FAM168A: variants seen among roughly 807,000 people sequenced by gnomAD.
The protein encoded by FAM168A is family with sequence similarity 168 member A, also known as protein FAM168A.
In FAM168A, 3 loss-of-function variants were observed where a neutral mutation model predicts 28.5. The observed-to-expected ratio is 0.11, with a 90% CI of 0.05 to 0.27. The LOEUF (loss-of-function observed/expected upper bound fraction) is 0.27. Among genes scored for constraint, FAM168A ranks in the 10% least tolerant of loss-of-function variants. The pLI is 1.00. For missense variants in FAM168A, 222 were observed against 311.5 expected, an observed-to-expected ratio of 0.71 and a Z score of 2.16; for synonymous variants, 122 against 124.2, an observed-to-expected ratio of 0.98 and a Z score of 0.12.
At chr11:73,568,886 C>CAA (rs373953334) in intron 1 of FAM168A, among the ~76,000 whole-genome samples, 1 of 151,660 alleles carries the variant, frequency 6.6e-6, no homozygotes, top group Admixed American at 6.6e-5. Flanking sequence ...CTCAAAAAAA[C>CAA]AAAAAAACAA....
chr11:73,512,555 G>A (rs11235786), intron 1 of FAM168A, among the ~76,000 whole-genome samples: 11,364 of 151,746 alleles, frequency 0.075, 554 homozygotes, highest in Admixed American at 0.11. Context: ...GGATAAGGGT[G>A]GATTTTACAA....
chr11:73,461,420 C>T (rs927677524), intron 2 of FAM168A, among the ~76,000 whole-genome samples: 1 of 152,182 alleles, frequency 6.6e-6, no homozygotes, highest in Non-Finnish European at 1.5e-5. Flanking sequence ...ACATGGCCCA[C>T]TGTGAATCTT....
At chr11:73,428,596 A>G (rs1272685931) in intron 3 of FAM168A, among the ~76,000 whole-genome samples, 1 of 152,246 alleles carries the variant, frequency 6.6e-6, no homozygotes, top group East Asian at 1.9e-4. Flanking sequence ...CAGATCTCAT[A>G]GCACTTAAAT....
At chr11:73,567,244 A>T (rs2134714138) in intron 1 of FAM168A, among the ~76,000 whole-genome samples, 1 of 152,332 alleles carries the variant, frequency 6.6e-6, no homozygotes, top group East Asian at 1.9e-4. Context: ...TGAGAAGATA[A>T]GGAAATCTCA....
intron 1 of FAM168A, among the ~76,000 whole-genome samples, chr11:73,581,891 G>T (rs909527847): frequency 2.0e-5 from 3 of 151,958 alleles, no homozygotes; most frequent in Admixed American, 2.0e-4. Flanking sequence ...GCTAATTTTT[G>T]TATTTTTAGT....
At chr11:73,495,738 T>C (rs1854861399) in intron 1 of FAM168A, among the ~76,000 whole-genome samples, 2 of 152,094 alleles carry the variant, frequency 1.3e-5, no homozygotes, top group African/African-American at 4.8e-5. Flanking sequence ...CTCACACCCA[T>C]TAAGATGACT....
intron 1 of FAM168A, among the ~76,000 whole-genome samples, chr11:73,556,146 A>C (rs3103923): frequency 1 from 152,099 of 152,100 alleles, 76,049 homozygotes; most frequent in Non-Finnish European, 1. Context: ...GAGTTCAAGA[A>C]CAGCCTGGGC....
chr11:73,431,966 T>C (rs1423567158), intron 2 of FAM168A, among the ~76,000 whole-genome samples: 1 of 152,202 alleles, frequency 6.6e-6, no homozygotes, highest in East Asian at 1.9e-4. Flanking sequence ...CTAATCTACT[T>C]TCTGTCTCTC....
At chr11:73,420,778 C>G (rs532816081) in intron 3 of FAM168A, 9 of 152,440 alleles carry the variant, frequency 5.9e-5, no homozygotes, top group African/African-American at 2.2e-4. Context: ...ATAGATGAGG[C>G]CCAGTTTAAG....
intron 1 of FAM168A, among the ~76,000 whole-genome samples, chr11:73,514,828 G>GCCATCCATCCATCCAT (rs140788338): frequency 1.4e-5 from 2 of 146,430 alleles, no homozygotes; most frequent in East Asian, 2.0e-4. Flanking sequence ...GTGAGACTCT[G>GCCATCCATCCATCCAT]CCATCCATCC....
At chr11:73,472,926 C>T (rs1374427369) in intron 1 of FAM168A, among the ~76,000 whole-genome samples, 1 of 151,906 alleles carries the variant, frequency 6.6e-6, no homozygotes, top group African/African-American at 2.4e-5. Context: ...GAATTTTGCT[C>T]AGAACAATGT....
intron 1 of FAM168A, among the ~76,000 whole-genome samples, chr11:73,572,873 AAAATAAAT>A (rs1213239487): frequency 6.6e-6 from 1 of 151,950 alleles, no homozygotes; most frequent in Non-Finnish European, 1.5e-5. Context: ...AATGATCAAT[AAAATAAAT>A]AAATAAATAA....
At chr11:73,496,338 C>T (rs945156189) in intron 1 of FAM168A, among the ~76,000 whole-genome samples, 6 of 152,136 alleles carry the variant, frequency 3.9e-5, no homozygotes, top group African/African-American at 7.2e-5. Flanking sequence ...TGTTGTTCAA[C>T]GGATATATTA....
At chr11:73,523,155 G>T (rs1388284224) in intron 1 of FAM168A, among the ~76,000 whole-genome samples, 2 of 152,166 alleles carry the variant, frequency 1.3e-5, no homozygotes, top group Non-Finnish European at 1.5e-5. Context: ...AAGGGCAATG[G>T]TGAGAGTCAG....
At chr11:73,595,053 G>A (rs1228581288) in intron 1 of FAM168A, among the ~76,000 whole-genome samples, 4 of 149,678 alleles carry the variant, frequency 2.7e-5, no homozygotes, top group Non-Finnish European at 5.9e-5. Flanking sequence ...CACGGCTGTG[G>A]AAAAAAAAAA....
chr11:73,517,573 T>C (rs1943321901), intron 1 of FAM168A, among the ~76,000 whole-genome samples: 1 of 152,112 alleles, frequency 6.6e-6, no homozygotes, highest in Non-Finnish European at 1.5e-5. Flanking sequence ...ACGTGGTGGA[T>C]TGTGATTGTC....
chr11:73,469,990 C>A (rs919635156), intron 1 of FAM168A, among the ~76,000 whole-genome samples: 3 of 152,124 alleles, frequency 2.0e-5, no homozygotes, highest in Non-Finnish European at 4.4e-5. Context: ...TGGCTCACTG[C>A]AACCTCTGCC....
intron 1 of FAM168A, among the ~76,000 whole-genome samples, chr11:73,568,237 G>C (rs1489027870): frequency 6.6e-6 from 1 of 152,156 alleles, no homozygotes; most frequent in African/African-American, 2.4e-5. Flanking sequence ...AATCAAGGCT[G>C]AAAATTCCAA....
At chr11:73,552,959 T>C (rs1943846303) in intron 1 of FAM168A, among the ~76,000 whole-genome samples, 1 of 151,984 alleles carries the variant, frequency 6.6e-6, no homozygotes, top group Non-Finnish European at 1.5e-5. Flanking sequence ...TCTGTCTCAA[T>C]CAATCAATCA....
Sources: allele counts gnomAD v4.1 joint callset (sites outside exome capture counted in the v4.1 genomes callset), GRCh38; gene constraint gnomAD v4.1.1; transcripts MANE v1.5; gene names NCBI Gene and HGNC (gene_info 2026-07-23, HGNC 2026-07-21).